FSD1L: variants seen among roughly 807,000 people sequenced by gnomAD.
FSD1L encodes the protein fibronectin type III and SPRY domain containing 1 like.
FSD1L carries 45 observed loss-of-function variants against 71.6 expected under a neutral mutation model. The ratio of observed to expected loss-of-function variants is 0.63; its 90% CI spans 0.49 to 0.81. FSD1L has a LOEUF of 0.81. FSD1L is among the 30% of genes least tolerant of loss of function. The pLI is 0.00. For missense variants in FSD1L, 561 were observed against 618.1 expected (o/e 0.91, Z 0.98); for synonymous variants, 197 against 207.2 (o/e 0.95, Z 0.42).
intron 13 of FSD1L, among the ~76,000 whole-genome samples, chr9:105,544,712 G>A (rs1259267824): frequency 1.3e-5 from 2 of 152,074 alleles, no homozygotes; most frequent in Non-Finnish European, 2.9e-5. Flanking sequence ...GTTTTTGTCA[G>A]GTTTGTCAAA....
At chr9:105,533,414 A>ATTTTTTTTTTTTTTTTTTTTTTTT (rs1271918066) in intron 10 of FSD1L, among the ~76,000 whole-genome samples, 6 of 13,370 alleles carry the variant, frequency 4.5e-4, no homozygotes, top group Non-Finnish European at 8.4e-4. Flanking sequence ...TGCCATTTCC[A>ATTTTTTTTTTTTTTTTTTTTTTTT]TCTTTTTTTT....
chr9:105,485,533 G>GTTTT (rs34268568), intron 7 of FSD1L, among the ~76,000 whole-genome samples: 909 of 79,246 alleles, frequency 0.011, 10 homozygotes, highest in East Asian at 0.051. Context: ...TTGGTTAGGT[G>GTTTT]TTTTTTTTTT....
chr9:105,513,766 T>G (rs1428570032), intron 10 of FSD1L: 1 of 593,192 alleles, frequency 1.7e-6, no homozygotes. Context: ...TACTGCTCTG[T>G]GTAGACTGTA....
intron 6 of FSD1L, among the ~76,000 whole-genome samples, chr9:105,482,531 C>G (rs1345897755): frequency 6.6e-6 from 1 of 152,106 alleles, no homozygotes; most frequent in Non-Finnish European, 1.5e-5. Context: ...TTAAAGCATA[C>G]CTAGCCTTCT....
intron 10 of FSD1L, chr9:105,521,526 G>A: frequency 6.2e-7 from 1 of 1,613,916 alleles, no homozygotes; most frequent in East Asian, 2.2e-5. Context: ...ACCAATTTGT[G>A]AAGCAGCAGC....
chr9:105,450,027 T>G (rs1434407768), intron 1 of FSD1L, among the ~76,000 whole-genome samples: 1 of 152,200 alleles, frequency 6.6e-6, no homozygotes, highest in Non-Finnish European at 1.5e-5. Context: ...ATCTTTCTAA[T>G]GAAAAAACAA....
intron 10 of FSD1L, chr9:105,526,184 C>A: frequency 6.3e-7 from 1 of 1,592,358 alleles, no homozygotes; most frequent in Non-Finnish European, 8.6e-7. Context: ...GCTATAAATG[C>A]AAGCCGTGCT....
At chr9:105,520,822 T>C in intron 10 of FSD1L, 1 of 1,612,182 alleles carries the variant, frequency 6.2e-7, no homozygotes, top group Non-Finnish European at 8.5e-7. Flanking sequence ...ATAGAAGAAA[T>C]CACTCCTCTT....
At chr9:105,501,278 T>A (rs1318087962) in intron 7 of FSD1L, among the ~76,000 whole-genome samples, 2 of 152,276 alleles carry the variant, frequency 1.3e-5, no homozygotes, top group East Asian at 3.9e-4. Context: ...AGTTATATGA[T>A]AGTTATAGCA....
chr9:105,448,353 C>T, intron 1 of FSD1L, 118 bp downstream of exon 1: 1 of 1,010,386 alleles, frequency 9.9e-7, no homozygotes, highest in Non-Finnish European at 1.3e-6. Flanking sequence ...GGCGTCCGGG[C>T]TGCTGCTGCG....
chr9:105,465,376 C>T (rs968745162), intron 3 of FSD1L, among the ~76,000 whole-genome samples: 1 of 152,170 alleles, frequency 6.6e-6, no homozygotes. Context: ...AAAAATCAAA[C>T]AGGAGGGAGT....
chr9:105,459,723 C>A (rs982349654), intron 1 of FSD1L, among the ~76,000 whole-genome samples: 4 of 152,184 alleles, frequency 2.6e-5, no homozygotes, highest in Non-Finnish European at 2.9e-5. Flanking sequence ...GCCAGGTTTA[C>A]TAATGTATTC....
At chr9:105,453,984 A>C (rs900346659) in intron 1 of FSD1L, among the ~76,000 whole-genome samples, 2 of 152,198 alleles carry the variant, frequency 1.3e-5, no homozygotes, top group Admixed American at 1.3e-4. Flanking sequence ...GATTGCTGTT[A>C]ATTGAATTTT....
chr9:105,530,558 A>G (rs984513004), intron 10 of FSD1L: 26 of 695,542 alleles, frequency 3.7e-5, no homozygotes, highest in Non-Finnish European at 6.3e-5. Context: ...CTCTTAATAC[A>G]TTTTGAAGCA....
intron 13 of FSD1L, among the ~76,000 whole-genome samples, chr9:105,543,157 T>G (rs1836739632): frequency 6.6e-6 from 1 of 152,138 alleles, no homozygotes; most frequent in African/African-American, 2.4e-5. Flanking sequence ...AATTACAAAT[T>G]TCACAGTTCA....
chr9:105,489,989 G>A (rs1384535384), intron 7 of FSD1L, among the ~76,000 whole-genome samples: 1 of 152,124 alleles, frequency 6.6e-6, no homozygotes, highest in Non-Finnish European at 1.5e-5. Flanking sequence ...CTTTATAGCA[G>A]CATGATTTAT....
intron 10 of FSD1L, among the ~76,000 whole-genome samples, chr9:105,529,594 G>A (rs1835762001): frequency 6.6e-6 from 1 of 152,072 alleles, no homozygotes; most frequent in Non-Finnish European, 1.5e-5. Context: ...GACACAGAGA[G>A]GGGAACATCA....
chr9:105,530,604 G>T (rs1363446990), intron 10 of FSD1L: 1 of 688,930 alleles, frequency 1.5e-6, no homozygotes, highest in South Asian at 1.6e-5. Flanking sequence ...TTTGTATGAC[G>T]TTCACTTTCT....
At chr9:105,521,520 A>G in intron 10 of FSD1L, 1 of 1,613,930 alleles carries the variant, frequency 6.2e-7, no homozygotes, top group Admixed American at 1.7e-5. Flanking sequence ...TTTATTACCA[A>G]TTTGTGAAGC....
Sources: gnomAD v4.1 joint callset for allele counts (sites outside exome capture counted in the v4.1 genomes callset) on GRCh38, gnomAD v4.1.1 for gene constraint, MANE v1.5 for transcripts, NCBI Gene and HGNC (gene_info 2026-07-23, HGNC 2026-07-21) for gene names.